Variants in RBM33 observed in about 807,000 individuals in gnomAD.
The protein encoded by RBM33 is RNA binding motif protein 33, also known as RNA-binding protein 33.
RBM33 carries 28 observed loss-of-function variants against 132.6 expected under a neutral mutation model. The observed-to-expected ratio is 0.21, with a 90% CI of 0.16 to 0.29. The LOEUF (loss-of-function observed/expected upper bound fraction) is 0.29, where lower values mean the gene tolerates loss of function less well. Among genes scored for constraint, RBM33 ranks in the 10% least tolerant of loss-of-function variants. The pLI is 1.00. For synonymous variants in RBM33, 634 were observed against 593.0 expected, an observed-to-expected ratio of 1.07 and a Z score of -1.01; for missense variants, 1,291 against 1,518.5, an observed-to-expected ratio of 0.85 and a Z score of 2.49.
At chr7:155,761,503 T>C (rs1802035830) in intron 14 of RBM33, among the ~76,000 whole-genome samples, 1 of 152,250 alleles carries the variant, frequency 6.6e-6, no homozygotes, top group Admixed American at 6.5e-5. Context: ...ATTCGTATTT[T>C]CTCTTTCGGT....
intron 14 of RBM33, among the ~76,000 whole-genome samples, chr7:155,750,700 C>G (rs1456768527): frequency 4.6e-5 from 7 of 151,630 alleles, no homozygotes; most frequent in Non-Finnish European, 1.0e-4. Flanking sequence ...ATAAATGTTA[C>G]CACCCTTTTA....
In RBM33 at chr7:155,766,456, G is replaced by GT; in HGVS notation, c.3187-9dup. The GT allele has an allele frequency of 6.2e-7, 1 of 1,612,648 alleles. No individual in the cohort carries two copies. Among genetic ancestry groups the GT allele is most frequent in the Non-Finnish European group, 8.5e-7 (1 of 1,179,694 alleles). ...TTGAAACTCTGAATGTATTTCCTTT[G>GT]TTGTCACCAGGCCATCATGCACGGA... On this transcript the variant is annotated splice_polypyrimidine_tract_variant and intron_variant, in intron 15 of 17. Transcript: ENST00000401878.
chr7:155,650,055 A>G (rs1266082802), intron 1 of RBM33, among the ~76,000 whole-genome samples: 1 of 152,150 alleles, frequency 6.6e-6, no homozygotes, highest in Non-Finnish European at 1.5e-5. Context: ...TTTCCTCCTC[A>G]GCCTCTTCTT....
At position 155,745,418 on chromosome 7, in the gene RBM33, C is replaced by T. The variant is rs143396425; in HGVS notation, c.2795C>T (p.Pro932Leu). ...ACTCAGCCGCTGCATAAAGTGCTCC[C>T]GATCAAACCTGCAGATGTGGAGGAG... ...SQTQPLHKVL[P>L]IKPADVEEPA... is the part of the protein sequence containing the mutation. Residue 932 changes from proline to leucine, a missense_variant, in exon 14 of 18, where the codon CCG (proline) becomes CTG (leucine). Transcript: ENST00000401878. This position sits in a 1 kb window ranked among gnomAD's most constrained non-coding sequence, Gnocchi z 4.1. 26 of 1,613,758 alleles carry T rather than the reference C, an allele frequency of 1.6e-5. No individual in the cohort carries two copies. Among genetic ancestry groups the T allele is most frequent in the East Asian group, 2.2e-5 (1 of 44,874 alleles).
chr7:155,718,609 G>A (rs1741134003), intron 9 of RBM33, among the ~76,000 whole-genome samples, 166 bp downstream of exon 9: 1 of 152,226 alleles, frequency 6.6e-6, no homozygotes, highest in South Asian at 2.1e-4. Context: ...CTTAAGGTCA[G>A]TGGATTTTTG....
chr7:155,781,089 G>C lies in RBM33; in HGVS notation c.*6048G>C, dbSNP rs1802815395. 6.5e-6 allele frequency: 1 copy of C among 152,756 alleles called. No individual in the cohort carries two copies. The highest frequency in any genetic ancestry group is 2.4e-5 in the African/African-American group (1 of 41,480). The allele number at this position is 152,756 out of a possible 1,614,324, so 9.5% of individuals were successfully genotyped here. On this transcript the variant is annotated 3_prime_UTR_variant, in exon 18 of 18. Transcript: ENST00000401878. ...ACCGTGTGTTACTGCTTTGCCGACG[G>C]GGCCTCCCGGCCCTGATGCGTGTAC...
At chr7:155,671,881 C>T (rs1187147929) in intron 2 of RBM33, among the ~76,000 whole-genome samples, 1 of 152,036 alleles carries the variant, frequency 6.6e-6, no homozygotes, top group Non-Finnish European at 1.5e-5. Flanking sequence ...CTAAAAAAAT[C>T]TTGTTTCTAA....
intron 9 of RBM33, among the ~76,000 whole-genome samples, chr7:155,730,978 T>C (rs1414291097): frequency 6.6e-6 from 1 of 150,706 alleles, no homozygotes; most frequent in Non-Finnish European, 1.5e-5. Flanking sequence ...TATGGAAAAC[T>C]AAGTTTGTGG....
chr7:155,756,732 G>T (rs28472693), intron 14 of RBM33, among the ~76,000 whole-genome samples: 26,723 of 152,016 alleles, frequency 0.18, 2,394 homozygotes, highest in East Asian at 0.28. Context: ...TGGAGTGAAT[G>T]GTAAAACCCC....
At chr7:155,666,837 TAGTCTTTGACTAGA>T (rs1798815300) in intron 2 of RBM33, among the ~76,000 whole-genome samples, 1 of 152,214 alleles carries the variant, frequency 6.6e-6, no homozygotes. Flanking sequence ...CCTTAAAAAA[TAGTCTTTGACTAGA>T]TTTTTGAGAA....
chr7:155,772,415 A>G (rs1337077073), intron 16 of RBM33, among the ~76,000 whole-genome samples: 1 of 152,226 alleles, frequency 6.6e-6, no homozygotes, highest in Non-Finnish European at 1.5e-5. Context: ...GTGACTGAGT[A>G]TCATTCACAG....
intron 1 of RBM33, among the ~76,000 whole-genome samples, chr7:155,651,773 C>T (rs914093205): frequency 3.9e-5 from 6 of 152,044 alleles, no homozygotes; most frequent in East Asian, 3.9e-4. Flanking sequence ...TCATATCAAG[C>T]AGGAATTCTA....
intron 1 of RBM33, among the ~76,000 whole-genome samples, chr7:155,656,603 TG>T (rs1798498885): frequency 6.6e-6 from 1 of 152,048 alleles, no homozygotes; most frequent in Non-Finnish European, 1.5e-5. Context: ...AAAAAATATG[TG>T]TATGTATATA....
rs140151687 is a variant in RBM33 at position 155,684,673 on chromosome 7, G to A, written c.567+3765G>A. Among the ~76,000 whole-genome samples, 217 of 152,288 alleles carry A rather than the reference G, an allele frequency of 1.4e-3. 4 individuals carry two copies. Among genetic ancestry groups the A allele is most frequent in the African/African-American group, 5.0e-3 (206 of 41,564 alleles). ...TGCTGTTGATTTGCAGAGGAGCTGT[G>A]TGACAGGGCACTTGGAGTTTGAAGC... On this transcript the variant is annotated intron_variant, in intron 5 of 17. Transcript: ENST00000401878.
chr7:155,674,554 A>G (rs1237719042), intron 3 of RBM33, among the ~76,000 whole-genome samples: 2 of 152,204 alleles, frequency 1.3e-5, no homozygotes, highest in Admixed American at 6.5e-5. Flanking sequence ...CTTTCCAGAA[A>G]GCTGTGATAA....
chr7:155,735,404 T>A (rs1349945487), intron 9 of RBM33, among the ~76,000 whole-genome samples: 4 of 152,222 alleles, frequency 2.6e-5, no homozygotes, highest in Non-Finnish European at 5.9e-5. Context: ...AGTAAAGATA[T>A]TAAATATTCA....
rs1489036558 is a variant in RBM33, at chr7:155,780,150, C to T, written c.*5109C>T. 1 of 152,214 alleles carries T rather than the reference C, an allele frequency of 6.6e-6. No homozygotes were observed. The highest frequency in any genetic ancestry group is 1.9e-4 in the East Asian group (1 of 5,198). The allele number at this position is 152,214 out of a possible 1,614,324, so 9.4% of individuals were successfully genotyped here. On this transcript the variant is annotated 3_prime_UTR_variant, in exon 18 of 18. Transcript: ENST00000401878. ...ATTTTAAGGGCACCCGTGGCGGAAGCTGGTTTTGCAAGGACTGTGTAAGCT... is the reference window on the plus strand; with the variant it reads ...ATTTTAAGGGCACCCGTGGCGGAAGTTGGTTTTGCAAGGACTGTGTAAGCT...
chr7:155,740,068 C>T, intron 12 of RBM33, 42 bp downstream of exon 12: 1 of 1,472,848 alleles, frequency 6.8e-7, no homozygotes, highest in Non-Finnish European at 9.0e-7. Context: ...TCCTGGGAGG[C>T]CTTTTAACTT....
In RBM33 at chr7:155,707,078, G is replaced by T. The variant is rs41271199; in HGVS notation, c.948+10G>T. On this transcript the variant is annotated intron_variant, in intron 7 of 17. Transcript: ENST00000401878. ...ACAGCCTCCTGTCGTGGTAACTTCA[G>T]ATTTTCTTGTAGTAGCCCTAGAACT... 6,326 of 1,533,344 alleles carry T rather than the reference G, an allele frequency of 4.1e-3. 17 individuals are homozygous for T. Among genetic ancestry groups the T allele is most frequent in the Non-Finnish European group, 4.9e-3 (5,584 of 1,138,446 alleles). 95.0% of individuals were successfully genotyped at this position (1,533,344 alleles called of 1,614,324 possible). A position where few individuals can be genotyped will look rare whatever the true frequency, so the allele number is the denominator to read the frequency against.
Sources: allele counts gnomAD v4.1 joint callset (sites outside exome capture counted in the v4.1 genomes callset), GRCh38; gene constraint gnomAD v4.1.1; non-coding constraint Gnocchi (gnomAD v3.1); transcripts MANE v1.5; gene names NCBI Gene and HGNC (gene_info 2026-07-23, HGNC 2026-07-21).